Variants in TMEM232 observed in about 807,000 individuals in gnomAD.
TMEM232 encodes transmembrane protein 232.
TMEM232 carries 80 observed loss-of-function variants against 78.8 expected under a neutral mutation model. The observed-to-expected ratio is 1.01, with a 90% CI of 0.85 to 1.22. TMEM232 has a LOEUF of 1.22. Ranked by LOEUF, TMEM232 falls within the 50% of genes most tolerant of loss-of-function variation. The pLI is 0.00. For missense variants in TMEM232, 881 were observed against 742.2 expected, an observed-to-expected ratio of 1.19 and a Z score of -2.17; for synonymous variants, 297 against 254.3, an observed-to-expected ratio of 1.17 and a Z score of -1.60.
chr5:110,536,170 C>A (rs958559896), intron 11 of TMEM232, among the ~76,000 whole-genome samples: 3 of 152,128 alleles, frequency 2.0e-5, no homozygotes, highest in Non-Finnish European at 4.4e-5. Flanking sequence ...TGCCTAAACA[C>A]AGAGGCAACT....
intron 3 of TMEM232, among the ~76,000 whole-genome samples, chr5:110,392,896 C>T (rs1419540963): frequency 1.3e-5 from 2 of 152,138 alleles, no homozygotes. Context: ...TGTTGTCCCA[C>T]AATATCTCAT....
intron 12 of TMEM232, among the ~76,000 whole-genome samples, chr5:110,505,757 T>C (rs1766813620): frequency 1.3e-5 from 2 of 152,114 alleles, no homozygotes; most frequent in African/African-American, 4.8e-5. Flanking sequence ...TGATCTGCCC[T>C]TCTCAGCCTC....
chr5:110,620,577 ATCTCTCTCTC>A (rs66736608), intron 7 of TMEM232, among the ~76,000 whole-genome samples: 2,207 of 43,052 alleles, frequency 0.051, 125 homozygotes, highest in East Asian at 0.16. Flanking sequence ...TGTCTCTCAT[ATCTCTCTCTC>A]TCTCTCTCTC....
chr5:110,444,703 A>C, intron 12 of TMEM232, among the ~76,000 whole-genome samples: 1 of 152,206 alleles, frequency 6.6e-6, no homozygotes, highest in East Asian at 1.9e-4. Context: ...ACTAATACAA[A>C]GTGCCTTATA....
intron 12 of TMEM232, among the ~76,000 whole-genome samples, chr5:110,502,397 C>A (rs1036795609): frequency 6.6e-6 from 1 of 152,116 alleles, no homozygotes; most frequent in African/African-American, 2.4e-5. Flanking sequence ...CAAGTTTTAG[C>A]AAAGGAATTT....
intron 12 of TMEM232, among the ~76,000 whole-genome samples, chr5:110,439,191 CA>C (rs1407836047): frequency 6.6e-6 from 1 of 151,902 alleles, no homozygotes; most frequent in Non-Finnish European, 1.5e-5. Flanking sequence ...CAAATATTTA[CA>C]AGAAAGTTAT....
intron 2 of TMEM232, among the ~76,000 whole-genome samples, chr5:110,661,539 T>C (rs1340633864): frequency 1.3e-5 from 2 of 152,096 alleles, no homozygotes; most frequent in African/African-American, 4.8e-5. Flanking sequence ...CTCAAACTCC[T>C]GGGCTCAAGC....
intron 12 of TMEM232, among the ~76,000 whole-genome samples, chr5:110,465,789 A>G (rs1762012889): frequency 6.6e-6 from 1 of 152,204 alleles, no homozygotes; most frequent in African/African-American, 2.4e-5. Flanking sequence ...TTGCTCCTAC[A>G]TGGAATATGC....
chr5:110,482,581 C>G (rs1763992382), intron 12 of TMEM232, among the ~76,000 whole-genome samples: 1 of 143,150 alleles, frequency 7.0e-6, no homozygotes, highest in Non-Finnish European at 1.5e-5. Flanking sequence ...AACTCCATCT[C>G]AAAAAAAATT....
chr5:110,420,502 A>G lies in TMEM232; in HGVS notation c.*78T>C. On this transcript the variant is annotated 3_prime_UTR_variant, in exon 14 of 14. Transcript: ENST00000455884. ...TGACAAGAAAGTTCTCTTACTATGT[A>G]GCTATCTTGGTATTTTTCATCCTAT... The G allele has an allele frequency of 1.1e-6, 1 of 883,380 alleles. No individual in the cohort carries two copies. The highest frequency in any genetic ancestry group is 1.6e-6 in the Non-Finnish European group (1 of 631,194). 54.7% of individuals were successfully genotyped at this position (883,380 alleles called of 1,614,324 possible).
chr5:110,456,620 CA>C (rs1352123723), intron 12 of TMEM232, among the ~76,000 whole-genome samples: 1 of 152,040 alleles, frequency 6.6e-6, no homozygotes, highest in African/African-American at 2.4e-5. Flanking sequence ...TATCTGGTTT[CA>C]AGCCTAAAGA....
intron 2 of TMEM232, among the ~76,000 whole-genome samples, chr5:110,405,778 G>A (rs1755769170): frequency 1.3e-5 from 2 of 148,940 alleles, no homozygotes; most frequent in African/African-American, 2.5e-5. Context: ...GTAACTTCCT[G>A]GAATTATCAA....
Position 110,511,905 on chromosome 5 carries a change from T to C in TMEM232, c.1703+16683A>G, listed in dbSNP as rs1767806178. Among the ~76,000 whole-genome samples the C allele has an allele frequency of 2.0e-5, 3 of 152,216 alleles. No homozygotes were observed. The South Asian group carries it at 6.2e-4, about 32-fold the overall frequency. On this transcript the variant is annotated intron_variant, in intron 12 of 13. Coordinates refer to ENST00000455884, the MANE Select transcript of TMEM232 (RefSeq NM_001039763.4). ...CTTCATGAGCCAGCCATACCACTGG[T>C]TTTTAGTTCCTTAAATGCTCCATGG...
chr5:110,400,278 T>C (rs534095054), intron 2 of TMEM232, among the ~76,000 whole-genome samples: 44 of 152,278 alleles, frequency 2.9e-4, no homozygotes, highest in African/African-American at 9.9e-4. Flanking sequence ...TGATTTAAAT[T>C]CTTCATATGA....
intron 1 of TMEM232, among the ~76,000 whole-genome samples, chr5:110,680,978 A>G (rs1314834624): frequency 2.0e-5 from 3 of 152,018 alleles, no homozygotes; most frequent in Non-Finnish European, 4.4e-5. Context: ...AGAGAGGGAA[A>G]AGAGAAGGGT....
At chr5:110,738,106 T>C (rs999684202), upstream of TMEM232, 8 of 623,200 alleles carry the variant, frequency 1.3e-5, no homozygotes, top group African/African-American at 1.4e-4. Context: ...GATCGAGAAC[T>C]GCACGTCAGA....
At chr5:110,503,736 A>G (rs1274891771) in intron 12 of TMEM232, among the ~76,000 whole-genome samples, 1 of 152,202 alleles carries the variant, frequency 6.6e-6, no homozygotes, top group African/African-American at 2.4e-5. Flanking sequence ...TCCCTGTTAT[A>G]CACAGCAAGT....
At chr5:110,669,047 C>G (rs974435569) in intron 1 of TMEM232, among the ~76,000 whole-genome samples, 190 of 152,032 alleles carry the variant, frequency 1.2e-3, no homozygotes, top group Non-Finnish European at 2.1e-3. Context: ...CAATTGAAAC[C>G]CTAACATCAC....
chr5:110,528,248 T>A (rs1308740650), intron 12 of TMEM232, among the ~76,000 whole-genome samples: 1 of 151,902 alleles, frequency 6.6e-6, no homozygotes, highest in South Asian at 2.1e-4. Context: ...AAAATACATA[T>A]CAAATATGTA....
Sources: allele counts gnomAD v4.1 joint callset (sites outside exome capture counted in the v4.1 genomes callset), GRCh38; gene constraint gnomAD v4.1.1; transcripts MANE v1.5; gene names NCBI Gene and HGNC (gene_info 2026-07-23, HGNC 2026-07-21).